The following PYGL variants were observed in gnomAD, a reference collection of about 807,000 sequenced individuals.
PYGL encodes the protein glycogen phosphorylase L.
In PYGL, 90 loss-of-function variants were observed where a neutral mutation model predicts 100.1. That is an observed-to-expected ratio of 0.90 (90% CI 0.76 to 1.07). The LOEUF (loss-of-function observed/expected upper bound fraction) is 1.07, where lower values mean the gene tolerates loss of function less well. Among genes scored for constraint, PYGL ranks in the 50% least tolerant of loss-of-function variants. The probability of loss-of-function intolerance (pLI) is 0.00; values close to 1 mark genes in which losing one functional copy is unlikely to be tolerated. For synonymous variants in PYGL, 373 were observed against 393.0 expected, an observed-to-expected ratio of 0.95 and a Z score of 0.60; for missense variants, 1,016 against 1,057.6, an observed-to-expected ratio of 0.96 and a Z score of 0.55.
chr14:50,908,717 A>C (rs2050358903), intron 18 of PYGL, 104 bp downstream of exon 18: 1 of 1,475,634 alleles, frequency 6.8e-7, no homozygotes, highest in East Asian at 2.3e-5. Context: ...AGTTGGTTTA[A>C]GATTGGTTTA....
At chr14:50,917,566 A>G (rs11850729) in intron 7 of PYGL, among the ~76,000 whole-genome samples, 34,426 of 152,196 alleles carry the variant, frequency 0.23, 5,195 homozygotes, top group African/African-American at 0.44. Context: ...CTTGGCCTCC[A>G]ACCTTATCCC....
At position 50,916,505 on chromosome 14, in the gene PYGL, C is replaced by T. The variant is rs553494223; in HGVS notation, c.1092+137G>A. The T allele has an allele frequency of 3.8e-6, 3 of 798,936 alleles. No individual in the cohort carries two copies. In the African/African-American group the frequency reaches 5.1e-5, roughly 14 times the overall value. 49.5% of individuals were successfully genotyped at this position (798,936 alleles called of 1,614,324 possible). A position where few individuals can be genotyped will look rare whatever the true frequency, so the allele number is the denominator to read the frequency against. ...CTCTAAGGATGGAAAATGTCAGCGTCAGGGAAAATATACCTTTAACTGTTG... is the reference window on the plus strand; with the variant it reads ...CTCTAAGGATGGAAAATGTCAGCGTTAGGGAAAATATACCTTTAACTGTTG... On this transcript the variant is annotated intron_variant, in intron 9 of 19. Transcript: ENST00000216392.
intron 1 of PYGL, among the ~76,000 whole-genome samples, chr14:50,943,898 G>T (rs1215031542): frequency 6.6e-6 from 1 of 152,246 alleles, no homozygotes. Context: ...CCCACCTGGC[G>T]GTTTCCAGGG....
At chr14:50,923,901 A>C (rs1458822213) in intron 5 of PYGL, 68 bp downstream of exon 5, 1 of 1,528,500 alleles carries the variant, frequency 6.5e-7, no homozygotes, top group Admixed American at 1.7e-5. Context: ...TATATGCTAC[A>C]TAGTCAATGT....
chr14:50,942,504 C>T lies in PYGL; in HGVS notation c.243+1657G>A, dbSNP rs192638450. Among the ~76,000 whole-genome samples the T allele has an allele frequency of 5.0e-5, 7 of 140,190 alleles. 3 individuals carry two copies. The East Asian group carries it at 1.8e-3, about 36-fold the overall frequency. 92.0% of individuals were successfully genotyped at this position (140,190 alleles called of 152,430 possible). On this transcript the variant is annotated intron_variant, in intron 1 of 19. Coordinates refer to ENST00000216392, the MANE Select transcript of PYGL (RefSeq NM_002863.5). ...AGGCGCAGTATGGTGTACTTAGTAG[C>T]ATTCCCTTTGTGTAAATAAATTTTT...
intron 3 of PYGL, among the ~76,000 whole-genome samples, chr14:50,934,897 A>C (rs183611660): frequency 2.2e-4 from 33 of 152,298 alleles, no homozygotes; most frequent in African/African-American, 7.7e-4. Flanking sequence ...AGTTTTAAGC[A>C]GTGTCTCTTT....
At chr14:50,928,072 G>T (rs2050568983) in intron 4 of PYGL, among the ~76,000 whole-genome samples, 1 of 152,188 alleles carries the variant, frequency 6.6e-6, no homozygotes, top group African/African-American at 2.4e-5. Flanking sequence ...AAGCAAGCGT[G>T]GATCTGTGGA....
Position 50,916,866 on chromosome 14 carries a change from A to T in PYGL, c.999+96T>A. The T allele has an allele frequency of 2.6e-6, 4 of 1,559,202 alleles. No homozygotes were observed. The South Asian group carries it at 4.5e-5, about 17-fold the overall frequency. ...GACTTGATGCACACTATTCCTGCTC[A>T]ACGTTGTTAGCACTGAGAGAGAGGA... is the stretch of plus-strand genomic sequence containing the variant. On this transcript the variant is annotated intron_variant, in intron 8 of 19. Coordinates refer to ENST00000216392, the MANE Select transcript of PYGL (RefSeq NM_002863.5).
intron 2 of PYGL, among the ~76,000 whole-genome samples, chr14:50,937,355 CAA>C (rs2050662275): frequency 6.6e-6 from 1 of 152,074 alleles, no homozygotes; most frequent in African/African-American, 2.4e-5. Flanking sequence ...ACATGAATAA[CAA>C]AGTTTGATCA....
intron 19 of PYGL, among the ~76,000 whole-genome samples, chr14:50,906,819 G>C (rs569926541): frequency 6.6e-6 from 1 of 152,290 alleles, no homozygotes; most frequent in Admixed American, 6.5e-5. Context: ...CCATTAACTT[G>C]AACTTATTCT....
chr14:50,931,958 A>G (rs896582669), intron 3 of PYGL, among the ~76,000 whole-genome samples, 182 bp from the exon 4 acceptor site: 1 of 152,226 alleles, frequency 6.6e-6, no homozygotes, highest in African/African-American at 2.4e-5. Context: ...ATTTCTAATT[A>G]TAAAATTAAT....
At chr14:50,924,923 C>T (rs2050533464) in intron 4 of PYGL, among the ~76,000 whole-genome samples, 1 of 152,164 alleles carries the variant, frequency 6.6e-6, no homozygotes, top group Non-Finnish European at 1.5e-5. Context: ...ACACCACCAC[C>T]ACCAAACACA....
chr14:50,935,922 G>A (rs879735613), intron 2 of PYGL, among the ~76,000 whole-genome samples: 5 of 152,214 alleles, frequency 3.3e-5, no homozygotes, highest in Non-Finnish European at 7.3e-5. Context: ...GGGTGGATAA[G>A]AAGCTGTGGG....
intron 13 of PYGL, 75 bp from the exon 14 acceptor site, chr14:50,912,378 A>T: frequency 1.9e-6 from 3 of 1,549,726 alleles, no homozygotes; most frequent in Non-Finnish European, 2.6e-6. Flanking sequence ...CTTTTTTTTG[A>T]GACGGAGTCT....
intron 10 of PYGL, 150 bp from the exon 11 acceptor site, chr14:50,915,649 C>G: frequency 7.4e-7 from 1 of 1,355,048 alleles, no homozygotes; most frequent in Non-Finnish European, 1.0e-6. Flanking sequence ...ATGGAGGTGC[C>G]ATCCCTCCAT....
At position 50,910,087 on chromosome 14, in the gene PYGL, T is replaced by A; in HGVS notation, c.1985A>T (p.Asp662Val). The change falls in exon 17 of 20, where the codon GAT (aspartate) becomes GTT (valine). Residue 662 changes from aspartate to valine, a missense_variant. By Grantham distance (152) the Asp-to-Val change is radical. Transcript: ENST00000216392. ...SLAEKVIPATDLSEQISTAGT... is the reference protein window; with the variant it reads ...SLAEKVIPATVLSEQISTAGT... ...TGCAGTGGAAATCTGCTCTGACAGA[T>A]CTGTGGCTGGAATGACTGCAAGAAA... The A allele has an allele frequency of 1.9e-6, 3 of 1,614,024 alleles. No homozygotes were observed. Among genetic ancestry groups the A allele is most frequent in the South Asian group, 2.2e-5 (2 of 91,088 alleles).
chr14:50,939,129 C>T (rs1221379257), intron 1 of PYGL, among the ~76,000 whole-genome samples: 1 of 152,176 alleles, frequency 6.6e-6, no homozygotes, highest in Non-Finnish European at 1.5e-5. Context: ...CAACCTCTGT[C>T]TCCTAGTTCA....
At chr14:50,927,888 A>G (rs79686244) in intron 4 of PYGL, among the ~76,000 whole-genome samples, 3,474 of 152,210 alleles carry the variant, frequency 0.023, 81 homozygotes, top group East Asian at 0.089. Context: ...CTTCCAATGA[A>G]TTGACAAATT....
At position 50,905,490 on chromosome 14, in the gene PYGL, G is replaced by C. The variant is rs998126774; in HGVS notation, c.2446C>G (p.Arg816Gly). 1.2e-6 allele frequency: 2 copies of C among 1,613,622 alleles called. No homozygotes were observed. Among genetic ancestry groups the C allele is most frequent in the African/African-American group, 2.7e-5 (2 of 74,868 alleles). ...TTTTGGGCATATTCTTTAATTGTTCGGTCACTGGAGAATTTCCCCGAGGCA... is the reference window on the plus strand; with the variant it reads ...TTTTGGGCATATTCTTTAATTGTTCCGTCACTGGAGAATTTCCCCGAGGCA... ...IAASGKFSSD[R>G]TIKEYAQNIW... is the part of the protein sequence containing the mutation. The change falls in exon 20 of 20, where the codon CGA becomes GGA. Residue 816 changes from arginine (R) to glycine (G), a missense_variant. Physicochemically the swap from Arg to Gly is moderately radical, Grantham distance 125 (BLOSUM62 -2). Transcript: ENST00000216392.
Sources: allele counts gnomAD v4.1 joint callset (sites outside exome capture counted in the v4.1 genomes callset), GRCh38; gene constraint gnomAD v4.1.1; transcripts MANE v1.5; gene names NCBI Gene and HGNC (gene_info 2026-07-23, HGNC 2026-07-21).